ARL15: variants seen among roughly 807,000 people sequenced by gnomAD.
ARL15 encodes ARF like GTPase 15, also known as ADP-ribosylation factor-like protein 15.
ARL15 carries 19 observed loss-of-function variants against 25.2 expected under a neutral mutation model. The ratio of observed to expected loss-of-function variants is 0.75; its 90% CI spans 0.53 to 1.10. The LOEUF is 1.10. ARL15 is among the 50% of genes least tolerant of loss of function. The pLI is 0.00. For missense variants in ARL15, 220 were observed against 246.0 expected (o/e 0.89, Z 0.71); for synonymous variants, 94 against 86.8 (o/e 1.08, Z -0.46).
intron 4 of ARL15, among the ~76,000 whole-genome samples, chr5:53,935,034 A>AGACAT (rs1311877946): frequency 8.5e-5 from 13 of 152,242 alleles, no homozygotes; most frequent in Non-Finnish European, 1.3e-4. Flanking sequence ...TAATAAAGAC[A>AGACAT]GACATGGAAC....
At chr5:53,910,737 T>C (rs1745436569) in intron 4 of ARL15, among the ~76,000 whole-genome samples, 2 of 147,522 alleles carry the variant, frequency 1.4e-5, no homozygotes, top group African/African-American at 5.0e-5. Flanking sequence ...AGACACATTC[T>C]CCTTGTTTTC....
intron 1 of ARL15, among the ~76,000 whole-genome samples, chr5:54,306,143 A>G (rs1331221013): frequency 6.6e-6 from 1 of 152,192 alleles, no homozygotes; most frequent in Non-Finnish European, 1.5e-5. Context: ...CATGACTTTC[A>G]GGGCCATGCA....
intron 2 of ARL15, among the ~76,000 whole-genome samples, chr5:54,157,100 G>T (rs1754257148): frequency 6.6e-6 from 1 of 152,214 alleles, no homozygotes; most frequent in African/African-American, 2.4e-5. Flanking sequence ...GACAACTCAA[G>T]TGTAGATTTT....
intron 3 of ARL15, among the ~76,000 whole-genome samples, chr5:54,131,001 T>C (rs1167491953): frequency 6.6e-6 from 1 of 152,178 alleles, no homozygotes; most frequent in African/African-American, 2.4e-5. Flanking sequence ...ACAAATCTTA[T>C]CTTCTTCCTA....
At chr5:54,275,624 CAA>C (rs1757908282) in intron 1 of ARL15, among the ~76,000 whole-genome samples, 1 of 152,002 alleles carries the variant, frequency 6.6e-6, no homozygotes, top group Non-Finnish European at 1.5e-5. Context: ...ACTCATGAAG[CAA>C]AGAGCTAGAT....
intron 1 of ARL15, among the ~76,000 whole-genome samples, chr5:54,288,968 T>C (rs1758251068): frequency 1.3e-5 from 2 of 152,172 alleles, no homozygotes; most frequent in African/African-American, 4.8e-5. Flanking sequence ...CTACAGCATA[T>C]TTTGCAAGGA....
chr5:54,230,948 G>A (rs1756654940), intron 1 of ARL15, among the ~76,000 whole-genome samples: 1 of 152,104 alleles, frequency 6.6e-6, no homozygotes. Context: ...GGAATTAAGT[G>A]ATTTGGCCAT....
chr5:54,192,862 C>T (rs1755444854), intron 1 of ARL15, among the ~76,000 whole-genome samples: 1 of 152,060 alleles, frequency 6.6e-6, no homozygotes, highest in Admixed American at 6.6e-5. Flanking sequence ...ACACAGATAA[C>T]CATTGTATCT....
At chr5:54,139,823 C>A (rs1319905196) in intron 3 of ARL15, among the ~76,000 whole-genome samples, 1 of 151,758 alleles carries the variant, frequency 6.6e-6, no homozygotes, top group African/African-American at 2.4e-5. Context: ...CAGAATGAGA[C>A]CCTGTCTCAA....
chr5:54,158,269 C>A (rs1463687086), intron 2 of ARL15, among the ~76,000 whole-genome samples: 3 of 152,176 alleles, frequency 2.0e-5, no homozygotes, highest in Non-Finnish European at 4.4e-5. Context: ...TGACTTTGAG[C>A]AAGCTAACTT....
intron 4 of ARL15, among the ~76,000 whole-genome samples, chr5:54,034,769 G>A (rs555063975): frequency 4.6e-5 from 7 of 151,660 alleles, no homozygotes; most frequent in Non-Finnish European, 7.4e-5. Flanking sequence ...AGCAATCTTC[G>A]CACCTCAGCC....
chr5:54,284,729 C>T (rs1312524336), intron 1 of ARL15, among the ~76,000 whole-genome samples: 3 of 152,106 alleles, frequency 2.0e-5, no homozygotes, highest in Non-Finnish European at 2.9e-5. Flanking sequence ...AACCATATTA[C>T]CTCATTCTCT....
Position 54,039,066 on chromosome 5 carries a change from C to G in ARL15, c.462+74136G>C, listed in dbSNP as rs10079598. The stretch of plus-strand genomic sequence containing the variant: ...CAGGAGACCAACCACTAGGTCTCTG[C>G]GATTCCAGCAATCATGGTGACAGGG... On this transcript the variant is annotated intron_variant, in intron 4 of 4. Coordinates refer to ENST00000504924, the MANE Select transcript of ARL15 (RefSeq NM_019087.3). Among the ~76,000 whole-genome samples the G allele has an allele frequency of 8.3e-3, 1,268 of 152,272 alleles. 24 individuals are homozygous for G. The highest frequency in any genetic ancestry group is 0.029 in the African/African-American group (1,212 of 41,560).
intron 4 of ARL15, among the ~76,000 whole-genome samples, chr5:53,951,810 T>C (rs1746974962): frequency 6.6e-6 from 1 of 151,798 alleles, no homozygotes; most frequent in African/African-American, 2.4e-5. Flanking sequence ...TACCACATTA[T>C]ATATTTTTAC....
chr5:54,240,045 G>A (rs1401575456), intron 1 of ARL15, among the ~76,000 whole-genome samples: 4 of 151,978 alleles, frequency 2.6e-5, no homozygotes, highest in Non-Finnish European at 5.9e-5. Context: ...GGCTAACACG[G>A]TGAAACCCCA....
intron 1 of ARL15, among the ~76,000 whole-genome samples, chr5:54,228,905 T>C (rs1756596094): frequency 6.6e-6 from 1 of 152,176 alleles, no homozygotes; most frequent in Non-Finnish European, 1.5e-5. Flanking sequence ...GCACCAAACA[T>C]AGCATCCCTG....
Position 54,062,114 on chromosome 5 carries a change from A to G in ARL15, c.462+51088T>C, listed in dbSNP as rs573806482. Among the ~76,000 whole-genome samples the G allele has an allele frequency of 2.0e-5, 3 of 152,342 alleles. No homozygotes were observed. In the East Asian group the frequency reaches 5.8e-4, roughly 29 times the overall value. On this transcript the variant is annotated intron_variant, in intron 4 of 4. Coordinates refer to ENST00000504924, the MANE Select transcript of ARL15 (RefSeq NM_019087.3). ...GGCCTGTAGCCCTTTTGTTTTGGTC[A>G]ATTTCTCCCATTTGGAATGGTTGTA...
intron 4 of ARL15, among the ~76,000 whole-genome samples, chr5:54,013,221 T>C (rs1218804679): frequency 6.6e-6 from 1 of 152,248 alleles, no homozygotes; most frequent in Non-Finnish European, 1.5e-5. Context: ...TGAATTTAAG[T>C]TGGTAAGTTT....
chr5:54,125,419 T>C (rs572022759), intron 3 of ARL15, among the ~76,000 whole-genome samples: 14 of 152,288 alleles, frequency 9.2e-5, no homozygotes, highest in African/African-American at 3.4e-4. Context: ...CACCTAGGAA[T>C]GGAGGCTGCT....
Sources: gnomAD v4.1 joint callset for allele counts (sites outside exome capture counted in the v4.1 genomes callset) on GRCh38, gnomAD v4.1.1 for gene constraint, MANE v1.5 for transcripts, NCBI Gene and HGNC (gene_info 2026-07-23, HGNC 2026-07-21) for gene names.